Variants in PLCL1 observed in about 807,000 individuals in gnomAD.
PLCL1 encodes the protein inactive phospholipase C-like protein 1.
PLCL1 carries 41 observed loss-of-function variants against 84.4 expected under a neutral mutation model. The observed-to-expected ratio is 0.49, with a 90% CI of 0.38 to 0.63. The LOEUF (loss-of-function observed/expected upper bound fraction) is 0.63, where lower values mean the gene tolerates loss of function less well. Ranked by LOEUF, PLCL1 falls within the 30% of genes least tolerant of loss-of-function variation. The pLI is 0.00. For synonymous variants in PLCL1, 490 were observed against 488.3 expected (o/e 1.00, Z -0.05); for missense variants, 1,206 against 1,367.8 (o/e 0.88, Z 1.87).
In PLCL1 at chr2:197,877,986, T is replaced by C. The variant is rs80109524; in HGVS notation, c.240+72647T>C. On this transcript the variant is annotated intron_variant, in intron 1 of 5. Coordinates refer to ENST00000428675, the MANE Select transcript of PLCL1 (RefSeq NM_006226.4). The stretch of plus-strand genomic sequence containing the variant: ...ATTGATTAAACCAATTCCTAGTGTG[T>C]GTTAGTTAGAGACAGTGGGTAAATA... Among the ~76,000 whole-genome samples, 7 of 152,228 alleles carry C rather than the reference T, an allele frequency of 4.6e-5. No homozygotes were observed. The East Asian group carries it at 1.4e-3, about 29-fold the overall frequency.
At chr2:198,043,899 T>TTTTC (rs1691727279) in intron 1 of PLCL1, among the ~76,000 whole-genome samples, 1 of 150,604 alleles carries the variant, frequency 6.6e-6, no homozygotes, top group Admixed American at 6.6e-5. Context: ...TTTTTTTTTT[T>TTTTC]AAATGAGAGG....
intron 1 of PLCL1, among the ~76,000 whole-genome samples, chr2:197,851,704 C>CTCACCTGCAGGTCCTGG (rs1256929459): frequency 6.6e-6 from 1 of 152,178 alleles, no homozygotes; most frequent in Non-Finnish European, 1.5e-5. Context: ...TCTCTTACCC[C>CTCACCTGCAGGTCCTGG]TCACCTGCAG....
intron 1 of PLCL1, among the ~76,000 whole-genome samples, chr2:198,029,200 C>G (rs1691346940): frequency 6.6e-6 from 1 of 152,168 alleles, no homozygotes; most frequent in African/African-American, 2.4e-5. Context: ...TCTGGCTTTT[C>G]TGATGATTCT....
intron 1 of PLCL1, among the ~76,000 whole-genome samples, chr2:198,078,026 A>G (rs1323342419): frequency 6.6e-6 from 1 of 152,134 alleles, no homozygotes; most frequent in Non-Finnish European, 1.5e-5. Flanking sequence ...TCTACCTAAT[A>G]CCTTCATCCT....
chr2:197,923,981 C>T (rs1338074869), intron 1 of PLCL1, among the ~76,000 whole-genome samples: 2 of 151,806 alleles, frequency 1.3e-5, no homozygotes, highest in Non-Finnish European at 2.9e-5. Flanking sequence ...CACAGCGAAA[C>T]CCCGTCTCCA....
chr2:197,995,428 A>G (rs1690437708), intron 1 of PLCL1, among the ~76,000 whole-genome samples: 1 of 152,158 alleles, frequency 6.6e-6, no homozygotes, highest in African/African-American at 2.4e-5. Flanking sequence ...CATCCAATGG[A>G]AAGGAAAGCA....
intron 1 of PLCL1, among the ~76,000 whole-genome samples, chr2:197,832,951 C>T (rs1027240757): frequency 1.3e-5 from 2 of 152,060 alleles, no homozygotes; most frequent in African/African-American, 4.8e-5. Flanking sequence ...AAAATTTGGC[C>T]AGGTGCGGTG....
intron 1 of PLCL1, among the ~76,000 whole-genome samples, chr2:197,937,125 T>C (rs1477122660): frequency 6.6e-6 from 1 of 152,234 alleles, no homozygotes; most frequent in Non-Finnish European, 1.5e-5. Context: ...ATGTCTATTC[T>C]GTTCTGTTGA....
chr2:197,974,227 G>T (rs538223940), intron 1 of PLCL1, among the ~76,000 whole-genome samples: 17 of 152,326 alleles, frequency 1.1e-4, no homozygotes, highest in African/African-American at 3.6e-4. Context: ...TTAAGTTTGG[G>T]TGGCCTAATA....
intron 1 of PLCL1, among the ~76,000 whole-genome samples, chr2:197,973,587 A>C (rs1689910354): frequency 6.6e-6 from 1 of 152,224 alleles, no homozygotes; most frequent in Admixed American, 6.5e-5. Context: ...CTTAGTGAAA[A>C]GAAGAGCAAG....
At chr2:198,128,312 A>T (rs1694040108) in intron 5 of PLCL1, among the ~76,000 whole-genome samples, 1 of 152,132 alleles carries the variant, frequency 6.6e-6, no homozygotes, top group Admixed American at 6.6e-5. Context: ...ATTCATCTAG[A>T]CAGGGGAATC....
chr2:197,939,580 T>G (rs900606601), intron 1 of PLCL1, among the ~76,000 whole-genome samples: 2 of 152,156 alleles, frequency 1.3e-5, no homozygotes, highest in African/African-American at 4.8e-5. Context: ...CCCATCCGTA[T>G]CCTGTTCTCC....
chr2:197,863,113 G>T (rs1196799772), intron 1 of PLCL1, among the ~76,000 whole-genome samples: 1 of 150,736 alleles, frequency 6.6e-6, no homozygotes, highest in Non-Finnish European at 1.5e-5. Context: ...TCGGAACTCT[G>T]CTGGGTAAAT....
At chr2:198,040,870 T>A (rs1293397627) in intron 1 of PLCL1, among the ~76,000 whole-genome samples, 1 of 152,158 alleles carries the variant, frequency 6.6e-6, no homozygotes, top group Non-Finnish European at 1.5e-5. Flanking sequence ...TTTACCCAAA[T>A]ATGTGAACCA....
chr2:197,959,725 T>C (rs1027517134), intron 1 of PLCL1, among the ~76,000 whole-genome samples: 7 of 152,048 alleles, frequency 4.6e-5, no homozygotes, highest in Non-Finnish European at 1.5e-5. Flanking sequence ...AAAATCTGTA[T>C]TTCTAGTTTC....
chr2:198,127,102 A>G (rs934155027), intron 5 of PLCL1, among the ~76,000 whole-genome samples: 1 of 152,050 alleles, frequency 6.6e-6, no homozygotes, highest in African/African-American at 2.4e-5. Flanking sequence ...TGATGTTAGT[A>G]GGCAGTTTGT....
intron 3 of PLCL1, among the ~76,000 whole-genome samples, chr2:198,097,331 T>G (rs1306179114): frequency 6.6e-6 from 1 of 152,164 alleles, no homozygotes; most frequent in Non-Finnish European, 1.5e-5. Context: ...TCTAGGACCA[T>G]GGATATCAGA....
At chr2:198,005,071 G>T (rs1354615687) in intron 1 of PLCL1, among the ~76,000 whole-genome samples, 2 of 152,188 alleles carry the variant, frequency 1.3e-5, no homozygotes, top group African/African-American at 4.8e-5. Flanking sequence ...TTCAGACAAG[G>T]CAGGGTAGGG....
At chr2:197,950,969 A>G (rs1689379059) in intron 1 of PLCL1, among the ~76,000 whole-genome samples, 1 of 152,104 alleles carries the variant, frequency 6.6e-6, no homozygotes, top group Non-Finnish European at 1.5e-5. Context: ...CAGGAGAAGC[A>G]TGGTTGTGAA....
Sources: gnomAD v4.1 joint callset for allele counts (sites outside exome capture counted in the v4.1 genomes callset) on GRCh38, gnomAD v4.1.1 for gene constraint, MANE v1.5 for transcripts, NCBI Gene and HGNC (gene_info 2026-07-23, HGNC 2026-07-21) for gene names.